HMGA2: variants seen among roughly 807,000 people sequenced by gnomAD.
HMGA2 encodes high mobility group protein HMGI-C.
Under a neutral mutation model 19.1 loss-of-function variants are expected in HMGA2, and 8 were observed. That is an observed-to-expected ratio of 0.42 (90% CI 0.25 to 0.76). The LOEUF is 0.76. Among genes scored for constraint, HMGA2 ranks in the 30% least tolerant of loss-of-function variants. The pLI is 0.28. For missense variants in HMGA2, 109 were observed against 136.3 expected, an observed-to-expected ratio of 0.80 and a Z score of 1.00; for synonymous variants, 60 against 48.8, an observed-to-expected ratio of 1.23 and a Z score of -0.96.
At chr12:65,905,629 A>G (rs577561897) in intron 3 of HMGA2, among the ~76,000 whole-genome samples, 1 of 152,224 alleles carries the variant, frequency 6.6e-6, no homozygotes, top group African/African-American at 2.4e-5. Flanking sequence ...CACAGTGTGC[A>G]TGACAATGCC....
chr12:65,855,458 T>TCTCACACA (rs140365204), intron 3 of HMGA2, among the ~76,000 whole-genome samples: 2,026 of 140,184 alleles, frequency 0.014, 49 homozygotes, highest in African/African-American at 0.052. Context: ...TCTCTCTCTC[T>TCTCACACA]CACACACACA....
At chr12:65,873,831 A>G (rs575200380) in intron 3 of HMGA2, 56 of 152,354 alleles carry the variant, frequency 3.7e-4, no homozygotes, top group African/African-American at 1.3e-3. Context: ...TGGCAGAATC[A>G]TTTATTAGAT....
rs1406720220 is a variant in HMGA2, at chr12:65,955,786, AC to A, written c.282+4374del. On this transcript the variant is annotated intron_variant, in intron 4 of 4. Coordinates refer to ENST00000403681, the MANE Select transcript of HMGA2 (RefSeq NM_003483.6). ...GTAACATCTTCTGTGGGTGGTGTGC[AC>A]CCGGGCAAAGAAATCTCAGTAAGCC... 2.0e-5 allele frequency: 3 copies of A among 152,240 alleles called. No individual in the cohort carries two copies. In the East Asian group the frequency reaches 5.8e-4, roughly 29 times the overall value. 9.4% of individuals were successfully genotyped at this position (152,240 alleles called of 1,614,324 possible).
intron 3 of HMGA2, chr12:65,857,428 T>G (rs1871798995): frequency 6.6e-6 from 1 of 152,232 alleles, no homozygotes; most frequent in Non-Finnish European, 1.5e-5. Context: ...GACAGAACTT[T>G]AGGGTTTTTG....
Position 65,965,243 on chromosome 12 carries a change from A to T in HMGA2, c.*1951A>T, listed in dbSNP as rs913390492. 4.4e-5 allele frequency: 9 copies of T among 202,512 alleles called. No homozygotes were observed. The highest frequency in any genetic ancestry group is 1.6e-4 in the African/African-American group (7 of 43,634). 12.5% of individuals were successfully genotyped at this position (202,512 alleles called of 1,614,324 possible). ...TATGTGTTTTTAAGATTAGTTGAATATAAGAAAATGCTTGACAAATATTTT... is the reference window on the plus strand; with the variant it reads ...TATGTGTTTTTAAGATTAGTTGAATTTAAGAAAATGCTTGACAAATATTTT... On this transcript the variant is annotated 3_prime_UTR_variant, in exon 5 of 5. Transcript: ENST00000403681.
At chr12:65,934,484 A>G (rs1387905634) in intron 3 of HMGA2, among the ~76,000 whole-genome samples, 1 of 152,184 alleles carries the variant, frequency 6.6e-6, no homozygotes, top group African/African-American at 2.4e-5. Context: ...CTGTGATTTT[A>G]CTATCTAATA....
intron 3 of HMGA2, among the ~76,000 whole-genome samples, chr12:65,904,432 C>T (rs1874501347): frequency 6.6e-6 from 1 of 152,166 alleles, no homozygotes; most frequent in Admixed American, 6.5e-5. Context: ...CAGTAGAAAG[C>T]ATTCAGAATC....
chr12:65,897,792 T>C (rs565700598), intron 3 of HMGA2, among the ~76,000 whole-genome samples: 71 of 152,210 alleles, frequency 4.7e-4, no homozygotes, highest in South Asian at 8.3e-4. Context: ...AAACCCTGTC[T>C]CTACTAAAAT....
Position 65,870,527 on chromosome 12 carries a change from T to C in HMGA2, c.249+31958T>C, listed in dbSNP as rs2121034143. On this transcript the variant is annotated intron_variant, in intron 3 of 4. Coordinates refer to ENST00000403681, the MANE Select transcript of HMGA2 (RefSeq NM_003483.6). Reference sequence around the variant, plus strand: ...AGGCAGATCACCTTAGGTCAGGAGTTCGAGACCAGCCTGGCCACCATGCAA... The same window carrying C: ...AGGCAGATCACCTTAGGTCAGGAGTCCGAGACCAGCCTGGCCACCATGCAA... Among the ~76,000 whole-genome samples the C allele has an allele frequency of 2.0e-5, 3 of 152,040 alleles. 1 individual carries two copies. In the Middle Eastern group the frequency reaches 0.01, roughly 517 times the overall value.
intron 3 of HMGA2, among the ~76,000 whole-genome samples, chr12:65,896,031 C>T (rs1874114270): frequency 6.6e-6 from 1 of 152,098 alleles, no homozygotes; most frequent in African/African-American, 2.4e-5. Flanking sequence ...CAAAGGAGAT[C>T]TAAATAAAAC....
chr12:65,875,630 T>TTTTTTTTTTTTA (rs1872972225), intron 3 of HMGA2, among the ~76,000 whole-genome samples: 1 of 119,102 alleles, frequency 8.4e-6, no homozygotes, highest in Non-Finnish European at 1.7e-5. Flanking sequence ...TTTTTTTTTT[T>TTTTTTTTTTTTA]AGTAAAGACA....
intron 2 of HMGA2, among the ~76,000 whole-genome samples, chr12:65,837,446 C>T (rs1870782351): frequency 6.6e-6 from 1 of 152,126 alleles, no homozygotes; most frequent in Non-Finnish European, 1.5e-5. Flanking sequence ...GTACCAAGTA[C>T]CCCCACCGGC....
intron 3 of HMGA2, among the ~76,000 whole-genome samples, chr12:65,887,914 T>G (rs561261448): frequency 7.2e-5 from 11 of 152,036 alleles, no homozygotes; most frequent in African/African-American, 2.7e-4. Flanking sequence ...ACATTTGAGT[T>G]TGTTAATCTA....
At chr12:65,844,523 A>G (rs1267697302) in intron 3 of HMGA2, among the ~76,000 whole-genome samples, 1 of 152,234 alleles carries the variant, frequency 6.6e-6, no homozygotes, top group African/African-American at 2.4e-5. Flanking sequence ...ATATGAAAAC[A>G]CTAATAAGTC....
At chr12:65,870,010 T>G (rs2121031603) in intron 3 of HMGA2, among the ~76,000 whole-genome samples, 1 of 151,016 alleles carries the variant, frequency 6.6e-6, no homozygotes, top group South Asian at 2.1e-4. Flanking sequence ...GTATTGGTCA[T>G]GATTTGCAAA....
chr12:65,917,096 T>C (rs1317315853), intron 3 of HMGA2, among the ~76,000 whole-genome samples: 3 of 152,062 alleles, frequency 2.0e-5, no homozygotes, highest in Non-Finnish European at 4.4e-5. Flanking sequence ...GGTAATTGAA[T>C]CCTTATGGCT....
chr12:65,954,531 A>T (rs1876550971), intron 4 of HMGA2: 3 of 152,222 alleles, frequency 2.0e-5, no homozygotes, highest in Admixed American at 6.5e-5. Flanking sequence ...GCCCTTGTTG[A>T]ACCTGGGGTA....
In HMGA2 at chr12:65,964,458, C is replaced by A. The variant is rs1024782373; in HGVS notation, c.*1166C>A. 7.7e-5 allele frequency: 17 copies of A among 221,000 alleles called. No individual in the cohort carries two copies. Among genetic ancestry groups the A allele is most frequent in the Admixed American group, 6.9e-4 (12 of 17,348 alleles). The allele number at this position is 221,000 out of a possible 1,614,324, so 13.7% of individuals were successfully genotyped here. On this transcript the variant is annotated 3_prime_UTR_variant, in exon 5 of 5. Transcript: ENST00000403681. Reference sequence around the variant, plus strand: ...ATACGTTTTGACATAAGATGGTTGACCAAGGTGCTTTTCTTCGGCTTGAGT... The same window carrying A: ...ATACGTTTTGACATAAGATGGTTGAACAAGGTGCTTTTCTTCGGCTTGAGT...
chr12:65,874,695 A>T (rs1157691474), intron 3 of HMGA2, among the ~76,000 whole-genome samples: 2 of 152,110 alleles, frequency 1.3e-5, no homozygotes, highest in East Asian at 1.9e-4. Context: ...TATCTTTTTT[A>T]AAAAAATAAA....
Sources: gnomAD v4.1 joint callset for allele counts (sites outside exome capture counted in the v4.1 genomes callset) on GRCh38, gnomAD v4.1.1 for gene constraint, MANE v1.5 for transcripts, NCBI Gene and HGNC (gene_info 2026-07-23, HGNC 2026-07-21) for gene names.